CLTA: variants seen among roughly 807,000 people sequenced by gnomAD.
CLTA encodes the protein clathrin light chain A, also known as clathrin, light polypeptide (Lca).
In CLTA, 9 loss-of-function variants were observed where a neutral mutation model predicts 26.9. That is an observed-to-expected ratio of 0.33 (90% CI 0.20 to 0.58). The LOEUF (loss-of-function observed/expected upper bound fraction) is 0.58, where lower values mean the gene tolerates loss of function less well. Among genes scored for constraint, CLTA ranks in the 20% least tolerant of loss-of-function variants. CLTA has a pLI of 0.85. For missense variants in CLTA, 278 were observed against 294.2 expected (o/e 0.94, Z 0.40); for synonymous variants, 120 against 115.5 (o/e 1.04, Z -0.25).
intron 3 of CLTA, among the ~76,000 whole-genome samples, chr9:36,203,828 G>GATA (rs1281220589): frequency 6.6e-6 from 1 of 152,174 alleles, no homozygotes; most frequent in Non-Finnish European, 1.5e-5. Flanking sequence ...AGTGGACTGG[G>GATA]ATAAGACCAG....
chr9:36,193,136 G>T (rs906568688), intron 1 of CLTA, among the ~76,000 whole-genome samples: 1 of 152,212 alleles, frequency 6.6e-6, no homozygotes, highest in Non-Finnish European at 1.5e-5. Flanking sequence ...CAAAGGGAAG[G>T]AAAGAAATGG....
chr9:36,208,644 G>A (rs144849197), intron 4 of CLTA, among the ~76,000 whole-genome samples: 2,131 of 152,318 alleles, frequency 0.014, 26 homozygotes, highest in Non-Finnish European at 0.022. Context: ...GCAGTAGTTA[G>A]ATAATCCAAG....
intron 1 of CLTA, among the ~76,000 whole-genome samples, chr9:36,192,508 A>G (rs148436173): frequency 8.5e-4 from 130 of 152,312 alleles, no homozygotes; most frequent in African/African-American, 3.0e-3. Context: ...CTTAGTGGGA[A>G]CATGTAATAT....
intron 4 of CLTA, among the ~76,000 whole-genome samples, chr9:36,209,806 C>T (rs1237758988): frequency 6.6e-6 from 1 of 152,218 alleles, no homozygotes. Context: ...ATACTTGGTT[C>T]ATTCAAACAA....
At chr9:36,207,388 T>A (rs1827787610) in intron 4 of CLTA, among the ~76,000 whole-genome samples, 1 of 152,260 alleles carries the variant, frequency 6.6e-6, no homozygotes, top group East Asian at 1.9e-4. Flanking sequence ...GCACTTGTGC[T>A]TGTCAGCTCT....
At chr9:36,204,229 A>G (rs1405894733) in intron 4 of CLTA, 50 bp downstream of exon 4, 10 of 1,561,186 alleles carry the variant, frequency 6.4e-6, no homozygotes, top group African/African-American at 1.4e-5. Flanking sequence ...ATTGAATCAA[A>G]TCCATTCTCA....
At chr9:36,195,126 C>T (rs1370407617) in intron 1 of CLTA, among the ~76,000 whole-genome samples, 1 of 152,140 alleles carries the variant, frequency 6.6e-6, no homozygotes, top group East Asian at 1.9e-4. Context: ...GGATTTAAAA[C>T]TATCTCACTC....
At chr9:36,207,910 A>T (rs1000058249) in intron 4 of CLTA, among the ~76,000 whole-genome samples, 1 of 151,854 alleles carries the variant, frequency 6.6e-6, no homozygotes, top group African/African-American at 2.4e-5. Context: ...TTTTCCTCCC[A>T]CTCATTCTGC....
chr9:36,191,456 C>T (rs917648908), intron 1 of CLTA, among the ~76,000 whole-genome samples, 183 bp downstream of exon 1: 1 of 152,216 alleles, frequency 6.6e-6, no homozygotes, highest in Admixed American at 6.5e-5. Context: ...CTGTTCGGTT[C>T]TCAGCATGTT....
intron 4 of CLTA, among the ~76,000 whole-genome samples, chr9:36,208,136 T>C (rs1180419060): frequency 6.6e-6 from 1 of 152,198 alleles, no homozygotes; most frequent in African/African-American, 2.4e-5. Context: ...TGATTATCCT[T>C]GAAAAATGTC....
chr9:36,205,199 G>A (rs889659022), intron 4 of CLTA, among the ~76,000 whole-genome samples: 1 of 152,174 alleles, frequency 6.6e-6, no homozygotes, highest in Non-Finnish European at 1.5e-5. Context: ...TCCGGCTTGA[G>A]CCTGTGTCCT....
intron 3 of CLTA, among the ~76,000 whole-genome samples, chr9:36,203,332 A>C (rs1827529191): frequency 6.6e-6 from 1 of 151,938 alleles, no homozygotes; most frequent in Non-Finnish European, 1.5e-5. Flanking sequence ...CCATACCTCT[A>C]CCCCCTGCAC....
Position 36,198,210 on chromosome 9 carries a change from C to A in CLTA, c.255+622C>A, listed in dbSNP as rs556068193. Among the ~76,000 whole-genome samples the A allele has an allele frequency of 2.0e-5, 3 of 151,786 alleles. No homozygotes were observed. In the East Asian group the frequency reaches 5.9e-4, roughly 30 times the overall value. On this transcript the variant is annotated intron_variant, in intron 2 of 4. Coordinates refer to ENST00000345519, the MANE Select transcript of CLTA (RefSeq NM_001833.4). ...ATGGGGTTTCGCCATGTTGGCCAGGCAGGTCTTGAACTCCTGGGCTCAAGT... is the reference window on the plus strand; with the variant it reads ...ATGGGGTTTCGCCATGTTGGCCAGGAAGGTCTTGAACTCCTGGGCTCAAGT...
chr9:36,207,084 G>T (rs1827767542), intron 4 of CLTA, among the ~76,000 whole-genome samples: 1 of 152,136 alleles, frequency 6.6e-6, no homozygotes, highest in Admixed American at 6.6e-5. Context: ...CAGGCCTCCT[G>T]CCTTCCAGCT....
At chr9:36,209,055 G>A (rs1036407840) in intron 4 of CLTA, among the ~76,000 whole-genome samples, 16 of 152,200 alleles carry the variant, frequency 1.1e-4, no homozygotes, top group Non-Finnish European at 7.3e-5. Flanking sequence ...TTGCTCTGTC[G>A]TGGAGCAGTC....
At chr9:36,210,718 T>G in intron 4 of CLTA, 1 of 1,605,614 alleles carries the variant, frequency 6.2e-7, no homozygotes, top group Admixed American at 1.7e-5. Flanking sequence ...CGCAGTGTTG[T>G]AGTGGCTCTG....
At chr9:36,193,827 C>G (rs1251077399) in intron 1 of CLTA, among the ~76,000 whole-genome samples, 1 of 152,064 alleles carries the variant, frequency 6.6e-6, no homozygotes, top group Non-Finnish European at 1.5e-5. Flanking sequence ...AGAAAAGAGA[C>G]GTAGGTTTAG....
At chr9:36,206,484 C>T (rs796399244) in intron 4 of CLTA, among the ~76,000 whole-genome samples, 22 of 152,286 alleles carry the variant, frequency 1.4e-4, no homozygotes, top group African/African-American at 5.3e-4. Flanking sequence ...ACTACTCCCC[C>T]TCTCCATCCA....
chr9:36,193,482 T>C (rs564252545), intron 1 of CLTA, among the ~76,000 whole-genome samples: 28 of 152,344 alleles, frequency 1.8e-4, no homozygotes, highest in Non-Finnish European at 3.8e-4. Context: ...TAATTTATAA[T>C]GCTATGTGGC....
Sources: gnomAD v4.1 joint callset for allele counts (sites outside exome capture counted in the v4.1 genomes callset) on GRCh38, gnomAD v4.1.1 for gene constraint, MANE v1.5 for transcripts, NCBI Gene and HGNC (gene_info 2026-07-23, HGNC 2026-07-21) for gene names.